Variants in SLC6A17 observed in about 807,000 individuals in gnomAD.
SLC6A17 encodes sodium-dependent neutral amino acid transporter SLC6A17.
SLC6A17 carries 21 observed loss-of-function variants against 64.5 expected under a neutral mutation model. The ratio of observed to expected loss-of-function variants is 0.33; its 90% confidence interval spans 0.23 to 0.47. The LOEUF is 0.47. Ranked by LOEUF, SLC6A17 falls within the 20% of genes least tolerant of loss-of-function variation. The pLI is 1.00. For synonymous variants in SLC6A17, 372 were observed against 399.5 expected, an observed-to-expected ratio of 0.93 and a Z score of 0.82; for missense variants, 682 against 963.2, an observed-to-expected ratio of 0.71 and a Z score of 3.86.
chr1:110,194,535 G>A (rs796238375), intron 8 of SLC6A17, 44 bp from the exon 9 acceptor site: 2 of 1,596,466 alleles, frequency 1.3e-6, no homozygotes, highest in Non-Finnish European at 1.7e-6. Flanking sequence ...GGGCTCCCCA[G>A]GGAGGGGTGA....
intron 10 of SLC6A17, among the ~76,000 whole-genome samples, chr1:110,196,640 T>C (rs975933842): frequency 2.0e-5 from 3 of 152,182 alleles, no homozygotes; most frequent in African/African-American, 7.2e-5. Context: ...ATGTGTAGGG[T>C]TATATAAGAA....
rs1261453335 is a variant in SLC6A17 at position 110,192,775 on chromosome 1, G to A, written c.1299+77G>A. 1.4e-6 allele frequency: 2 copies of A among 1,472,396 alleles called. No homozygotes were observed. The highest frequency in any genetic ancestry group is 2.8e-5 in the African/African-American group (2 of 71,208). The allele number at this position is 1,472,396 out of a possible 1,614,324, so 91.2% of individuals were successfully genotyped here. Reference sequence around the variant, plus strand: ...TGTGGCCGGCGGGAGCTTGGGCTCAGGCCTCAGGATGCTGACAGGTAGTCA... The same window carrying A: ...TGTGGCCGGCGGGAGCTTGGGCTCAAGCCTCAGGATGCTGACAGGTAGTCA... On this transcript the variant is annotated intron_variant, in intron 8 of 11. Coordinates refer to ENST00000331565, the MANE Select transcript of SLC6A17 (RefSeq NM_001010898.4). This position sits in a 1 kb window ranked among gnomAD's most constrained non-coding sequence, Gnocchi z 4.3.
chr1:110,195,441 G>A lies in SLC6A17; in HGVS notation c.1493-145G>A, dbSNP rs1440577291. 7 of 956,702 alleles carry A rather than the reference G, an allele frequency of 7.3e-6. 1 individual carries two copies. The highest frequency in any genetic ancestry group is 1.1e-5 in the Non-Finnish European group (7 of 644,036). The allele number at this position is 956,702 out of a possible 1,614,324, so 59.3% of individuals were successfully genotyped here. A position where few individuals can be genotyped will look rare whatever the true frequency, so the allele number is the denominator to read the frequency against. ...CAGAACCTGAGCATCTGGATCCCTC[G>A]TGCAGGACTGAGCCTGCTGGCAGGA... On this transcript the variant is annotated intron_variant, in intron 9 of 11. Coordinates refer to ENST00000331565, the MANE Select transcript of SLC6A17 (RefSeq NM_001010898.4).
At chr1:110,161,269 C>T (rs1272273863) in intron 1 of SLC6A17, among the ~76,000 whole-genome samples, 2 of 152,184 alleles carry the variant, frequency 1.3e-5, no homozygotes, top group African/African-American at 4.8e-5. Flanking sequence ...GTTTGGGCCA[C>T]AGCTGCCTGT....
rs1348752544 is a variant in SLC6A17 at position 110,198,871 on chromosome 1, A to G, written c.*427A>G. Reference sequence around the variant, plus strand: ...AGAGGCCTTGGGGCTGGGGAAGGAGAGTGGACTTTGGCTCACTCTGCCATG... The same window carrying G: ...AGAGGCCTTGGGGCTGGGGAAGGAGGGTGGACTTTGGCTCACTCTGCCATG... On this transcript the variant is annotated 3_prime_UTR_variant, in exon 12 of 12. Transcript: ENST00000331565. 1 of 167,822 alleles carries G rather than the reference A, an allele frequency of 6.0e-6. No homozygotes were observed. The highest frequency in any genetic ancestry group is 1.3e-5 in the Non-Finnish European group (1 of 77,994). The allele number at this position is 167,822 out of a possible 1,614,324, so 10.4% of individuals were successfully genotyped here.
At chr1:110,174,678 G>A in intron 4 of SLC6A17, 101 bp from the exon 5 acceptor site, 1 of 1,450,316 alleles carries the variant, frequency 6.9e-7, no homozygotes, top group South Asian at 1.3e-5. Flanking sequence ...CCCACCCTCA[G>A]CAGCTCCCTC....
In SLC6A17 at chr1:110,174,868, G is replaced by A. The variant is rs1304220661; in HGVS notation, c.661G>A (p.Gly221Arg). ...CATCTCTGACTCCATCTCGGAGAGT[G>A]GGGGCCTCAACTGGAAGATGACCCT... is the stretch of plus-strand genomic sequence containing the variant. ...LDISDSISES[G>R]GLNWKMTLCL... The change falls in exon 5 of 12, where the codon GGG becomes AGG. Residue 221 changes from glycine (G) to arginine (R), a missense_variant. Gly to Arg is a moderately radical substitution (Grantham distance 125). Around this residue, in one of 3 missense-constraint regions of SLC6A17, gnomAD observed 415 missense variants for 603.8 expected, o/e 0.69. Coordinates refer to ENST00000331565, the MANE Select transcript of SLC6A17 (RefSeq NM_001010898.4). 2.5e-6 allele frequency: 4 copies of A among 1,614,186 alleles called. No homozygotes were observed. In the East Asian group the frequency reaches 6.7e-5, roughly 27 times the overall value.
intron 11 of SLC6A17, 111 bp downstream of exon 11, chr1:110,197,710 C>G (rs1476155694): frequency 1.6e-6 from 2 of 1,266,710 alleles, no homozygotes; most frequent in Non-Finnish European, 2.1e-6. Flanking sequence ...CCAGGCCTTG[C>G]CAGGTGCCTC....
chr1:110,173,068 A>G (rs1656284127), intron 3 of SLC6A17, among the ~76,000 whole-genome samples: 1 of 152,246 alleles, frequency 6.6e-6, no homozygotes, highest in South Asian at 2.1e-4. Context: ...TGCACTGGCC[A>G]ATGCCGTGTA....
chr1:110,174,713 T>C (rs550381501), intron 4 of SLC6A17, 66 bp from the exon 5 acceptor site: 2 of 1,564,572 alleles, frequency 1.3e-6, no homozygotes, highest in African/African-American at 2.7e-5. Flanking sequence ...TGAGTGGTGG[T>C]CCAGCAGAGG....
At chr1:110,181,567 A>G (rs1023796605) in intron 6 of SLC6A17, among the ~76,000 whole-genome samples, 4 of 152,244 alleles carry the variant, frequency 2.6e-5, no homozygotes, top group African/African-American at 4.8e-5. Flanking sequence ...GTTGTCAGAT[A>G]ATATAAGATA....
chr1:110,192,590 G>T lies in SLC6A17; in HGVS notation c.1191G>T (p.Leu397=). ...CACCCCACGTCAACTTCTCCCACCT[G>T]ACCACAAAGGACTACATGGAGATGT... ...LIPPHVNFSH[L]TTKDYMEMYN... is the part of the protein sequence containing the mutation. The change falls in exon 8 of 12, where the codon CTG becomes CTT. Residue 397 remains leucine (L), a synonymous_variant. Transcript: ENST00000331565. This position sits in a 1 kb window ranked among gnomAD's most constrained non-coding sequence, Gnocchi z 4.3. 1.2e-6 allele frequency: 2 copies of T among 1,614,176 alleles called. No homozygotes were observed. Among genetic ancestry groups the T allele is most frequent in the South Asian group, 1.1e-5 (1 of 91,076 alleles).
intron 2 of SLC6A17, among the ~76,000 whole-genome samples, chr1:110,170,161 C>T: frequency 6.6e-6 from 1 of 152,136 alleles, no homozygotes; most frequent in East Asian, 1.9e-4. Flanking sequence ...CACATCTTGC[C>T]CCACCCAGAA....
intron 6 of SLC6A17, among the ~76,000 whole-genome samples, chr1:110,180,089 ATAAT>A (rs1458282074): frequency 6.6e-6 from 1 of 152,206 alleles, no homozygotes; most frequent in Non-Finnish European, 1.5e-5. Flanking sequence ...TCTCCAAAAA[ATAAT>A]TAATTAAAAA....
In SLC6A17 at chr1:110,192,133, C is replaced by T; in HGVS notation, c.1026C>T (p.Phe342=). The T allele has an allele frequency of 6.2e-7, 1 of 1,614,172 alleles. No homozygotes were observed. Among genetic ancestry groups the T allele is most frequent in the South Asian group, 1.1e-5 (1 of 91,078 alleles). The part of the protein sequence containing the change: ...DAALVSFINF[F]TSVLATLVVF... ...CCCTGGTGTCCTTCATCAACTTCTT[C>T]ACGTCAGTGTTGGCCACCCTCGTGG... Residue 342 remains phenylalanine (F), a synonymous_variant, in exon 7 of 12, where the codon TTC becomes TTT. Coordinates refer to ENST00000331565, the MANE Select transcript of SLC6A17 (RefSeq NM_001010898.4). This position sits in a 1 kb window ranked among gnomAD's most constrained non-coding sequence, Gnocchi z 4.3.
chr1:110,168,688 G>A (rs1035360826), intron 2 of SLC6A17, among the ~76,000 whole-genome samples: 1 of 152,196 alleles, frequency 6.6e-6, no homozygotes, highest in African/African-American at 2.4e-5. Flanking sequence ...TTCAAAGGAC[G>A]TGTGGCATTG....
intron 6 of SLC6A17, chr1:110,178,867 G>T (rs1001468561): frequency 6.6e-6 from 1 of 152,166 alleles, no homozygotes; most frequent in Non-Finnish European, 1.5e-5. Flanking sequence ...TTCTGTCATG[G>T]GAATTTTGAA....
rs761841585 is a variant in SLC6A17 at position 110,192,242 on chromosome 1, C to A, written c.1106+29C>A. On this transcript the variant is annotated intron_variant, in intron 7 of 11. Transcript: ENST00000331565. This position sits in a 1 kb window ranked among gnomAD's most constrained non-coding sequence, Gnocchi z 4.3. ...GGTGGCATCTCTCCTCCTGTCCCTCCTTCTCCCTGTCTACCTTACCTGGGA... is the reference window on the plus strand; with the variant it reads ...GGTGGCATCTCTCCTCCTGTCCCTCATTCTCCCTGTCTACCTTACCTGGGA... The A allele has an allele frequency of 5.7e-6, 9 of 1,590,394 alleles. No homozygotes were observed. In the African/African-American group the frequency reaches 1.2e-4, roughly 21 times the overall value.
intron 1 of SLC6A17, among the ~76,000 whole-genome samples, chr1:110,157,103 C>T (rs924835765): frequency 9.2e-5 from 14 of 152,368 alleles, no homozygotes; most frequent in African/African-American, 3.1e-4. Context: ...TTGGTATACT[C>T]TCACAGGTCC....
Sources: gnomAD v4.1 joint callset for allele counts (sites outside exome capture counted in the v4.1 genomes callset) on GRCh38, gnomAD v4.1.1 for gene constraint, gnomAD v4.1.1 regional missense constraint, Gnocchi (gnomAD v3.1) non-coding constraint, MANE v1.5 for transcripts, NCBI Gene and HGNC (gene_info 2026-07-23, HGNC 2026-07-21) for gene names.